The following RFTN2 variants were observed in gnomAD, a reference collection of about 807,000 sequenced individuals.
RFTN2 encodes raftlin-2.
RFTN2 carries 34 observed loss-of-function variants against 52.7 expected under a neutral mutation model. The ratio of observed to expected loss-of-function variants is 0.64; its 90% CI spans 0.49 to 0.86. The LOEUF (loss-of-function observed/expected upper bound fraction) is 0.86. Among genes scored for constraint, RFTN2 ranks in the 40% least tolerant of loss-of-function variants. RFTN2 has a pLI of 0.00. For synonymous variants in RFTN2, 203 were observed against 217.7 expected, an observed-to-expected ratio of 0.93 and a Z score of 0.59; for missense variants, 536 against 600.1, an observed-to-expected ratio of 0.89 and a Z score of 1.12.
In RFTN2 at chr2:197,617,792, C is replaced by A. The variant is rs766247942; in HGVS notation, c.1050+8G>T. The A allele has an allele frequency of 3.5e-6, 5 of 1,426,216 alleles. No individual in the cohort carries two copies. Among genetic ancestry groups the A allele is most frequent in the African/African-American group, 2.9e-5 (2 of 68,440 alleles). The allele number at this position is 1,426,216 out of a possible 1,614,324, so 88.3% of individuals were successfully genotyped here. On this transcript the variant is annotated splice_region_variant and intron_variant, in intron 6 of 8. Transcript: ENST00000295049. The stretch of plus-strand genomic sequence containing the variant: ...GTAAAGCTAAATTGTCAGAAAACTG[C>A]AGCTCACCTCAATAACAGTCCATTG...
chr2:197,572,422 G>C (rs1197624571), intron 8 of RFTN2, 142 bp from the exon 9 acceptor site: 1 of 735,404 alleles, frequency 1.4e-6, no homozygotes, highest in East Asian at 2.6e-5. Context: ...TCAACGACCA[G>C]CTCAGAGCTA....
At chr2:197,598,183 G>T (rs2087821866) in intron 7 of RFTN2, among the ~76,000 whole-genome samples, 1 of 152,072 alleles carries the variant, frequency 6.6e-6, no homozygotes, top group Non-Finnish European at 1.5e-5. Flanking sequence ...ATCCAAGTGT[G>T]GTGGTACATG....
intron 1 of RFTN2, among the ~76,000 whole-genome samples, chr2:197,655,212 T>C (rs2088877850): frequency 6.6e-6 from 1 of 152,048 alleles, no homozygotes; most frequent in Admixed American, 6.5e-5. Flanking sequence ...TATAATAGAA[T>C]AAAATTGATG....
At chr2:197,594,877 A>G (rs149802325) in intron 8 of RFTN2, among the ~76,000 whole-genome samples, 10 of 152,356 alleles carry the variant, frequency 6.6e-5, no homozygotes, top group South Asian at 2.1e-4. Flanking sequence ...CACACAGTCA[A>G]TCTAGCTCTT....
Position 197,596,076 on chromosome 2 carries a change from A to G in RFTN2, c.1155-7T>C, listed in dbSNP as rs1337241519. 4.5e-6 allele frequency: 7 copies of G among 1,570,292 alleles called. No individual in the cohort carries two copies. Among genetic ancestry groups the G allele is most frequent in the Non-Finnish European group, 6.1e-6 (7 of 1,140,862 alleles). On this transcript the variant is annotated splice_polypyrimidine_tract_variant and splice_region_variant and intron_variant, in intron 7 of 8. Coordinates refer to ENST00000295049, the MANE Select transcript of RFTN2 (RefSeq NM_144629.3). ...TGTAGCCAAATTCCCTTCACTGCAA[A>G]TTAAAACAATAGTATTAGTATTTGT...
rs1363548419 is a variant in RFTN2, at chr2:197,571,466, TA to T, written c.*541del. 2.6e-5 allele frequency: 4 copies of T among 153,604 alleles called. No individual in the cohort carries two copies. Among genetic ancestry groups the T allele is most frequent in the African/African-American group, 9.7e-5 (4 of 41,420 alleles). The allele number at this position is 153,604 out of a possible 1,614,324, so 9.5% of individuals were successfully genotyped here. A position where few individuals can be genotyped will look rare whatever the true frequency, so the allele number is the denominator to read the frequency against. ...TTTTTTCAAAAAATATTTTAACACA[TA>T]GGGGCTTGCTTTGTATATACATGCT... On this transcript the variant is annotated 3_prime_UTR_variant, in exon 9 of 9. Transcript: ENST00000295049.
chr2:197,590,130 C>T (rs2087678923), intron 8 of RFTN2, among the ~76,000 whole-genome samples: 1 of 151,846 alleles, frequency 6.6e-6, no homozygotes, highest in Non-Finnish European at 1.5e-5. Flanking sequence ...GTCTCACACT[C>T]CTGGATTCAA....
At chr2:197,572,575 G>A (rs1314090156) in intron 8 of RFTN2, among the ~76,000 whole-genome samples, 1 of 152,176 alleles carries the variant, frequency 6.6e-6, no homozygotes, top group Non-Finnish European at 1.5e-5. Context: ...TCTAAGGAAG[G>A]AAATTTGTTG....
At chr2:197,662,401 C>A (rs1410218569) in intron 1 of RFTN2, among the ~76,000 whole-genome samples, 2 of 152,172 alleles carry the variant, frequency 1.3e-5, no homozygotes, top group Non-Finnish European at 2.9e-5. Flanking sequence ...ATGCTCTTGA[C>A]ACTTTTTTTG....
At chr2:197,665,356 G>T (rs1020190841) in intron 1 of RFTN2, among the ~76,000 whole-genome samples, 2 of 151,922 alleles carry the variant, frequency 1.3e-5, no homozygotes, top group African/African-American at 4.8e-5. Flanking sequence ...TGCTGAAAGT[G>T]GGTTGAAGTA....
At chr2:197,589,087 G>A (rs1421491742) in intron 8 of RFTN2, among the ~76,000 whole-genome samples, 2 of 151,820 alleles carry the variant, frequency 1.3e-5, no homozygotes, top group African/African-American at 4.8e-5. Context: ...CAGGTGTGGT[G>A]CTACGCGCCT....
intron 5 of RFTN2, among the ~76,000 whole-genome samples, chr2:197,629,763 C>T (rs2088434860): frequency 6.7e-6 from 1 of 148,830 alleles, no homozygotes; most frequent in Admixed American, 6.8e-5. Flanking sequence ...TACTCTGTCA[C>T]CCAGGCTAGA....
intron 8 of RFTN2, chr2:197,588,014 A>T: frequency 2.1e-6 from 1 of 470,420 alleles, no homozygotes; most frequent in Non-Finnish European, 4.4e-6. Context: ...ACACTGTCTT[A>T]CCCACATCTG....
intron 8 of RFTN2, among the ~76,000 whole-genome samples, chr2:197,589,914 A>C (rs2087672810): frequency 6.6e-6 from 1 of 151,864 alleles, no homozygotes; most frequent in Non-Finnish European, 1.5e-5. Flanking sequence ...ATGTCTAAAA[A>C]CTTTTTTTTT....
intron 1 of RFTN2, among the ~76,000 whole-genome samples, chr2:197,668,629 C>T (rs1291909513): frequency 2.0e-5 from 3 of 152,096 alleles, no homozygotes; most frequent in South Asian, 2.1e-4. Flanking sequence ...TGCATGCAGT[C>T]GCTTGTGCCT....
chr2:197,619,747 A>AT (rs1273509586), intron 5 of RFTN2, among the ~76,000 whole-genome samples: 1 of 144,744 alleles, frequency 6.9e-6, no homozygotes, highest in Non-Finnish European at 1.5e-5. Flanking sequence ...AATTAAAAAA[A>AT]AAAAATAATA....
chr2:197,576,123 C>T (rs911943200), intron 8 of RFTN2, among the ~76,000 whole-genome samples: 4 of 151,778 alleles, frequency 2.6e-5, no homozygotes, highest in Non-Finnish European at 5.9e-5. Context: ...ATTCTCCTGA[C>T]TCAGCCTCCT....
At chr2:197,588,659 C>T (rs1328597892) in intron 8 of RFTN2, among the ~76,000 whole-genome samples, 1 of 152,202 alleles carries the variant, frequency 6.6e-6, no homozygotes, top group East Asian at 1.9e-4. Context: ...TCTGTGTGAA[C>T]GTAAGTTTTT....
intron 5 of RFTN2, among the ~76,000 whole-genome samples, chr2:197,619,268 C>T (rs1304807507): frequency 6.6e-6 from 1 of 151,928 alleles, no homozygotes; most frequent in African/African-American, 2.4e-5. Context: ...GAGAACGGGC[C>T]ATGATGACAA....
Sources: gnomAD v4.1 joint callset for allele counts (sites outside exome capture counted in the v4.1 genomes callset) on GRCh38, gnomAD v4.1.1 for gene constraint, MANE v1.5 for transcripts, NCBI Gene and HGNC (gene_info 2026-07-23, HGNC 2026-07-21) for gene names.